The following SCGB2B2 variants were observed in gnomAD, a reference collection of about 807,000 sequenced individuals.
SCGB2B2 encodes secretoglobin-like protein.
SCGB2B2 carries 11 observed loss-of-function variants against 7.6 expected under a neutral mutation model. That is an observed-to-expected ratio of 1.45 (90% confidence interval 0.91 to 2.40). SCGB2B2 has a LOEUF of 2.40. SCGB2B2 is among the 30% of genes most tolerant of loss of function. The pLI, the probability that SCGB2B2 is intolerant of heterozygous loss-of-function variation, is 0.00. For missense variants in SCGB2B2, 104 were observed against 115.4 expected, an observed-to-expected ratio of 0.90 and a Z score of 0.45; for synonymous variants, 50 against 48.6, an observed-to-expected ratio of 1.03 and a Z score of -0.12.
intron 1 of SCGB2B2, among the ~76,000 whole-genome samples, chr19:34,649,772 T>C (rs1283318693): frequency 6.9e-6 from 1 of 145,290 alleles, no homozygotes; most frequent in Non-Finnish European, 1.5e-5. Flanking sequence ...GAGAATCACT[T>C]GAACCTAGGA....
chr19:34,622,038 C>T (rs1055329276), intron 1 of SCGB2B2, among the ~76,000 whole-genome samples: 2 of 152,188 alleles, frequency 1.3e-5, no homozygotes. Flanking sequence ...GACAGCAGTT[C>T]TGCCGCATTA....
rs994773714 is a variant in SCGB2B2 at position 34,591,977 on chromosome 19, C to T, written c.*1578G>A. On this transcript the variant is annotated 3_prime_UTR_variant, in exon 4 of 4. Transcript: ENST00000601241. ...CCTGCCTTGTTTTCCACTGGGTGCC[C>T]GGCTCTGGGAAAGGGCCTGATGTGT... Among the ~76,000 whole-genome samples, 2 of 152,166 alleles carry T rather than the reference C, an allele frequency of 1.3e-5. No individual in the cohort carries two copies. The highest frequency in any genetic ancestry group is 2.9e-5 in the Non-Finnish European group (2 of 68,036).
chr19:34,641,860 A>T (rs958011426), intron 1 of SCGB2B2, among the ~76,000 whole-genome samples: 7 of 152,230 alleles, frequency 4.6e-5, no homozygotes, highest in Non-Finnish European at 8.8e-5. Flanking sequence ...GTCTAGATCT[A>T]GGAAAGATTA....
intron 1 of SCGB2B2, among the ~76,000 whole-genome samples, chr19:34,603,795 C>CTTTTTTTTTTTT (rs71165672): frequency 7.6e-6 from 1 of 131,266 alleles, no homozygotes. Flanking sequence ...TGTTTTATTA[C>CTTTTTTTTTTTT]TTTTTTTTTT....
intron 1 of SCGB2B2, among the ~76,000 whole-genome samples, chr19:34,632,277 A>G (rs1354690209): frequency 6.6e-6 from 1 of 152,250 alleles, no homozygotes; most frequent in Non-Finnish European, 1.5e-5. Flanking sequence ...CTTTGTCAAC[A>G]GTAAAATTTT....
chr19:34,628,445 G>A (rs963679633), intron 1 of SCGB2B2, among the ~76,000 whole-genome samples: 48 of 151,958 alleles, frequency 3.2e-4, no homozygotes, highest in Admixed American at 6.5e-4. Flanking sequence ...CATCACCACC[G>A]ATCCCACAGA....
chr19:34,609,736 AT>A (rs2065879163), intron 1 of SCGB2B2, among the ~76,000 whole-genome samples: 1 of 152,044 alleles, frequency 6.6e-6, no homozygotes, highest in Admixed American at 6.6e-5. Flanking sequence ...TTTATAGTCT[AT>A]TTTGACTTCA....
chr19:34,634,902 A>G (rs751738739), intron 1 of SCGB2B2: 2 of 272,222 alleles, frequency 7.3e-6, no homozygotes, highest in South Asian at 5.3e-5. Context: ...TCTTTGGCTA[A>G]AAGATTTCCC....
intron 1 of SCGB2B2, among the ~76,000 whole-genome samples, chr19:34,627,819 T>C (rs1426173003): frequency 6.6e-6 from 1 of 152,204 alleles, no homozygotes; most frequent in African/African-American, 2.4e-5. Flanking sequence ...AGAATATACA[T>C]TCTTCTCAGC....
chr19:34,620,253 C>T (rs1168528637), intron 1 of SCGB2B2, among the ~76,000 whole-genome samples: 2 of 151,950 alleles, frequency 1.3e-5, no homozygotes, highest in African/African-American at 4.8e-5. Flanking sequence ...GCACTATTCA[C>T]AATAGCAAAG....
intron 1 of SCGB2B2, among the ~76,000 whole-genome samples, chr19:34,626,966 A>G (rs2066395927): frequency 2.0e-5 from 3 of 152,254 alleles, no homozygotes; most frequent in Non-Finnish European, 2.9e-5. Context: ...ACATTCCTAA[A>G]GAAAAGAATT....
intron 1 of SCGB2B2, among the ~76,000 whole-genome samples, chr19:34,666,370 T>G (rs2067621859): frequency 6.6e-6 from 1 of 151,882 alleles, no homozygotes; most frequent in African/African-American, 2.4e-5. Flanking sequence ...CGCATTCTAC[T>G]CACACACACA....
downstream of SCGB2B2, among the ~76,000 whole-genome samples, chr19:34,586,174 GTTC>G (rs2065186618): frequency 6.6e-6 from 1 of 152,002 alleles, no homozygotes; most frequent in South Asian, 2.1e-4. Context: ...TCTTTTTAAT[GTTC>G]TTCTCTTCAT....
intron 1 of SCGB2B2, among the ~76,000 whole-genome samples, chr19:34,668,400 G>T (rs1030904549): frequency 3.9e-5 from 6 of 152,190 alleles, no homozygotes. Flanking sequence ...GGCAGGGCTC[G>T]GTACCTGCAG....
chr19:34,667,777 G>A (rs2067676190), intron 1 of SCGB2B2, among the ~76,000 whole-genome samples: 1 of 152,058 alleles, frequency 6.6e-6, no homozygotes, highest in Admixed American at 6.5e-5. Flanking sequence ...GTGGGATGGG[G>A]GGAGCCCACC....
intron 1 of SCGB2B2, among the ~76,000 whole-genome samples, 164 bp downstream of exon 1, chr19:34,675,466 G>C (rs551962806): frequency 1.3e-5 from 2 of 152,310 alleles, no homozygotes; most frequent in Non-Finnish European, 2.9e-5. Context: ...GGTAAAATGA[G>C]GCTGAGACCT....
At chr19:34,661,956 C>T (rs1384935747) in intron 1 of SCGB2B2, among the ~76,000 whole-genome samples, 7 of 151,802 alleles carry the variant, frequency 4.6e-5, no homozygotes, top group African/African-American at 7.3e-5. Context: ...CTCGGCTCAT[C>T]GTAACCTCTG....
At chr19:34,631,052 G>A (rs1429599152) in intron 1 of SCGB2B2, among the ~76,000 whole-genome samples, 1 of 145,730 alleles carries the variant, frequency 6.9e-6, no homozygotes, top group Non-Finnish European at 1.5e-5. Context: ...CTCATAGGTG[G>A]GAATTGAACA....
chr19:34,665,149 T>C (rs1302422027), intron 1 of SCGB2B2, among the ~76,000 whole-genome samples: 1 of 152,172 alleles, frequency 6.6e-6, no homozygotes, highest in African/African-American at 2.4e-5. Context: ...ATGGTGGCCA[T>C]GAGAGTGCAG....
Sources: gnomAD v4.1 joint callset for allele counts (sites outside exome capture counted in the v4.1 genomes callset) on GRCh38, gnomAD v4.1.1 for gene constraint, MANE v1.5 for transcripts, NCBI Gene and HGNC (gene_info 2026-07-23, HGNC 2026-07-21) for gene names.